The following ATP6V1H variants were observed in gnomAD, a reference collection of about 807,000 sequenced individuals.
ATP6V1H encodes the protein ATPase H+ transporting V1 subunit H.
A neutral mutation model predicts 71.7 loss-of-function variants in ATP6V1H; 39 were observed. The observed-to-expected ratio is 0.54, with a 90% CI of 0.42 to 0.71. The LOEUF is 0.71. ATP6V1H is among the 30% of genes least tolerant of loss of function. ATP6V1H has a pLI of 0.00. For synonymous variants in ATP6V1H, 192 were observed against 199.3 expected (o/e 0.96, Z 0.31); for missense variants, 509 against 594.9 (o/e 0.86, Z 1.50).
chr8:53,829,554 A>G, intron 3 of ATP6V1H, 21 bp from the exon 4 acceptor site: 1 of 1,460,852 alleles, frequency 6.8e-7, no homozygotes, highest in Non-Finnish European at 9.4e-7. Context: ...AAATGAAATT[A>G]AAGTTATTGT....
At chr8:53,774,529 A>G (rs1426208295) in intron 9 of ATP6V1H, among the ~76,000 whole-genome samples, 3 of 152,240 alleles carry the variant, frequency 2.0e-5, no homozygotes, top group African/African-American at 4.8e-5. Flanking sequence ...AACAAAGTGT[A>G]TATTTACTGG....
At chr8:53,834,936 G>A (rs890908449) in intron 2 of ATP6V1H, among the ~76,000 whole-genome samples, 8 of 152,072 alleles carry the variant, frequency 5.3e-5, no homozygotes, top group African/African-American at 1.9e-4. Context: ...GGGCACAGGA[G>A]TTTAAGACAA....
intron 4 of ATP6V1H, among the ~76,000 whole-genome samples, chr8:53,820,666 C>CA (rs111738763): frequency 0.022 from 1,580 of 73,484 alleles, 12 homozygotes; most frequent in African/African-American, 0.041. Flanking sequence ...GATTTTATCT[C>CA]AAAAAAAAAA....
intron 6 of ATP6V1H, among the ~76,000 whole-genome samples, chr8:53,812,397 C>A (rs971078462): frequency 6.6e-6 from 1 of 152,228 alleles, no homozygotes; most frequent in Non-Finnish European, 1.5e-5. Flanking sequence ...CTAATGAAAA[C>A]TATTCTAGAC....
intron 1 of ATP6V1H, among the ~76,000 whole-genome samples, chr8:53,842,105 TA>T (rs2130553802): frequency 6.6e-6 from 1 of 152,322 alleles, no homozygotes; most frequent in East Asian, 1.9e-4. Context: ...AGAATATGAA[TA>T]GTACGGATAA....
intron 7 of ATP6V1H, among the ~76,000 whole-genome samples, chr8:53,808,054 A>G (rs1810148078): frequency 6.6e-6 from 1 of 152,258 alleles, no homozygotes; most frequent in South Asian, 2.1e-4. Flanking sequence ...TACTAGTGAC[A>G]CAGCATTCAT....
chr8:53,793,474 A>T (rs1809629800), intron 9 of ATP6V1H, among the ~76,000 whole-genome samples: 1 of 152,104 alleles, frequency 6.6e-6, no homozygotes, highest in African/African-American at 2.4e-5. Flanking sequence ...TCCTGTCTCT[A>T]CAAAAGATTT....
At chr8:53,769,514 A>T in intron 11 of ATP6V1H, 104 bp downstream of exon 11, 1 of 1,197,108 alleles carries the variant, frequency 8.4e-7, no homozygotes, top group Non-Finnish European at 1.1e-6. Context: ...AGAAAATACA[A>T]ATTAAAACCA....
chr8:53,722,186 C>T (rs1466314159), intron 13 of ATP6V1H, among the ~76,000 whole-genome samples: 4 of 152,216 alleles, frequency 2.6e-5, no homozygotes, highest in Admixed American at 2.6e-4. Flanking sequence ...TTGTCCTCTT[C>T]CCCTGCTACT....
At chr8:53,736,340 A>T (rs996471635) in intron 13 of ATP6V1H, among the ~76,000 whole-genome samples, 1 of 152,220 alleles carries the variant, frequency 6.6e-6, no homozygotes, top group Non-Finnish European at 1.5e-5. Flanking sequence ...AGCCTAGGCC[A>T]TGTTATGTTT....
At chr8:53,750,088 C>T (rs113733096) in intron 12 of ATP6V1H, among the ~76,000 whole-genome samples, 21 of 152,128 alleles carry the variant, frequency 1.4e-4, no homozygotes, top group South Asian at 6.2e-4. Flanking sequence ...GGTTACAAGT[C>T]CATTAAAAGA....
intron 7 of ATP6V1H, among the ~76,000 whole-genome samples, chr8:53,804,151 C>T (rs1016398807): frequency 6.6e-6 from 1 of 152,268 alleles, no homozygotes; most frequent in South Asian, 2.1e-4. Context: ...CCATACCATT[C>T]CAGAGATTAC....
intron 13 of ATP6V1H, among the ~76,000 whole-genome samples, chr8:53,731,231 C>A (rs1199078042): frequency 6.6e-6 from 1 of 152,154 alleles, no homozygotes; most frequent in Non-Finnish European, 1.5e-5. Context: ...CTGATCCCGC[C>A]TGTTCCCAAG....
chr8:53,812,232 C>T lies in ATP6V1H; in HGVS notation c.526-1015G>A, dbSNP rs376080099. Among the ~76,000 whole-genome samples the T allele has an allele frequency of 3.0e-4, 46 of 152,244 alleles. 2 individuals are homozygous for T. Among genetic ancestry groups the T allele is most frequent in the African/African-American group, 9.9e-4 (41 of 41,556 alleles). The stretch of plus-strand genomic sequence containing the variant: ...CAAGGCCAGGCTAAGCCTGGGTACC[C>T]TGAAGAGTTCCCCTGCAGCAGAAGG... On this transcript the variant is annotated intron_variant, in intron 6 of 13. Coordinates refer to ENST00000359530, the MANE Select transcript of ATP6V1H (RefSeq NM_015941.4).
intron 12 of ATP6V1H, among the ~76,000 whole-genome samples, chr8:53,751,141 T>A (rs2130225987): frequency 6.6e-6 from 1 of 152,296 alleles, no homozygotes; most frequent in East Asian, 1.9e-4. Flanking sequence ...TCTGCATTGG[T>A]GTCCGTGTTG....
chr8:53,758,132 CTA>C (rs761488800), intron 11 of ATP6V1H, among the ~76,000 whole-genome samples: 5 of 152,114 alleles, frequency 3.3e-5, no homozygotes, highest in South Asian at 2.1e-4. Flanking sequence ...ACATTTCAAA[CTA>C]TGTGTGTTTT....
intron 9 of ATP6V1H, among the ~76,000 whole-genome samples, chr8:53,786,390 C>T (rs1463252346): frequency 2.6e-5 from 4 of 152,186 alleles, no homozygotes; most frequent in Middle Eastern, 3.2e-3. Flanking sequence ...GTTGGAAAAG[C>T]GCAGTATTAG....
At chr8:53,718,499 C>T (rs1806503754) in intron 13 of ATP6V1H, among the ~76,000 whole-genome samples, 2 of 151,682 alleles carry the variant, frequency 1.3e-5, no homozygotes, top group African/African-American at 4.9e-5. Flanking sequence ...AAGCCATCCT[C>T]CCACCCCAGC....
intron 13 of ATP6V1H, among the ~76,000 whole-genome samples, chr8:53,738,473 C>T (rs1250721504): frequency 3.3e-5 from 5 of 152,120 alleles, no homozygotes; most frequent in South Asian, 2.1e-4. Flanking sequence ...GCTTTTCTTT[C>T]GTCTACACTT....
Sources: gnomAD v4.1 joint callset for allele counts (sites outside exome capture counted in the v4.1 genomes callset) on GRCh38, gnomAD v4.1.1 for gene constraint, MANE v1.5 for transcripts, NCBI Gene and HGNC (gene_info 2026-07-23, HGNC 2026-07-21) for gene names.